The following TBX15 variants were observed in gnomAD, a reference collection of about 807,000 sequenced individuals.
TBX15 encodes T-box transcription factor 15.
A neutral mutation model predicts 53.9 loss-of-function variants in TBX15; 18 were observed. That is an observed-to-expected ratio of 0.33 (90% CI 0.23 to 0.49). The LOEUF is 0.49. Ranked by LOEUF, TBX15 falls within the 20% of genes least tolerant of loss-of-function variation. The pLI, the probability that TBX15 is intolerant of heterozygous loss-of-function variation, is 0.98. For missense variants in TBX15, 692 were observed against 749.5 expected, an observed-to-expected ratio of 0.92 and a Z score of 0.90; for synonymous variants, 295 against 278.0, an observed-to-expected ratio of 1.06 and a Z score of -0.61.
At position 118,884,605 on chromosome 1, in the gene TBX15, GAAAAA is replaced by G. The variant is rs536044359; in HGVS notation, c.*122_*126del. 3.0e-4 allele frequency: 233 copies of G among 769,154 alleles called. No individual in the cohort carries two copies. The highest frequency in any genetic ancestry group is 1.2e-3 in the Middle Eastern group (3 of 2,454). The allele number at this position is 769,154 out of a possible 1,614,324, so 47.6% of individuals were successfully genotyped here. A position where few individuals can be genotyped will look rare whatever the true frequency, so the allele number is the denominator to read the frequency against. The stretch of plus-strand genomic sequence containing the variant: ...GTTCTTGGGTATATGTCTTCGGCCA[GAAAAA>G]AAAAAAAAAAAAAAACACGGTTCCT... On this transcript the variant is annotated 3_prime_UTR_variant, in exon 8 of 8. Coordinates refer to ENST00000369429, the MANE Select transcript of TBX15 (RefSeq NM_001330677.2).
chr1:118,929,816 A>G (rs1271827475), intron 2 of TBX15, among the ~76,000 whole-genome samples: 1 of 151,322 alleles, frequency 6.6e-6, no homozygotes, highest in Non-Finnish European at 1.5e-5. Flanking sequence ...CAAGAGTAAT[A>G]AAGTAAAAAC....
At position 118,950,832 on chromosome 1, in the gene TBX15, T is replaced by C. The variant is rs894154793; in HGVS notation, c.206-19000A>G. 3.9e-5 allele frequency among the ~76,000 whole-genome samples: 6 copies of C among 152,312 alleles called. No homozygotes were observed. In the East Asian group the frequency reaches 1.2e-3, roughly 29 times the overall value. On this transcript the variant is annotated intron_variant, in intron 1 of 7. Coordinates refer to ENST00000369429, the MANE Select transcript of TBX15 (RefSeq NM_001330677.2). ...AGCTTGCCAGTATAAAAGCACAATA[T>C]GCCTCACAGTTCTCATCGAAGGATC...
At chr1:118,978,719 T>TA (rs1299656502) in intron 1 of TBX15, among the ~76,000 whole-genome samples, 1 of 152,204 alleles carries the variant, frequency 6.6e-6, no homozygotes, top group African/African-American at 2.4e-5. Flanking sequence ...CATAAGTAAG[T>TA]AAAGTTTCTG....
intron 1 of TBX15, among the ~76,000 whole-genome samples, chr1:118,969,950 G>A (rs1657175006): frequency 6.6e-6 from 1 of 152,228 alleles, no homozygotes; most frequent in Non-Finnish European, 1.5e-5. Flanking sequence ...GACCTGATGG[G>A]AGGTGATTGG....
At chr1:118,931,578 A>C in intron 2 of TBX15, 41 bp downstream of exon 2, 3 of 1,608,966 alleles carry the variant, frequency 1.9e-6, no homozygotes, top group Non-Finnish European at 1.7e-6. Context: ...CTACTTCTGC[A>C]AATTCTTTGA....
chr1:118,895,770 A>T (rs1654402285), intron 7 of TBX15, among the ~76,000 whole-genome samples: 1 of 152,216 alleles, frequency 6.6e-6, no homozygotes, highest in South Asian at 2.1e-4. Context: ...AAATTGACCT[A>T]TTGAGAGTTA....
At chr1:118,987,552 T>G in intron 1 of TBX15, 39 bp downstream of exon 1, 2 of 1,532,800 alleles carry the variant, frequency 1.3e-6, no homozygotes, top group Non-Finnish European at 1.8e-6. Context: ...CGGCGTCCCC[T>G]CTCCGCCCGC....
chr1:118,945,964 C>T (rs543423352), intron 1 of TBX15, among the ~76,000 whole-genome samples: 8 of 152,276 alleles, frequency 5.3e-5, no homozygotes, highest in African/African-American at 1.7e-4. Flanking sequence ...ACTTTATATA[C>T]ATATTCTACA....
intron 1 of TBX15, among the ~76,000 whole-genome samples, chr1:118,972,741 G>A (rs746406971): frequency 3.3e-5 from 5 of 151,806 alleles, no homozygotes; most frequent in African/African-American, 4.8e-5. Context: ...CTGGGATTAC[G>A]GGTGCCCACC....
chr1:118,934,077 C>T (rs1046356830), intron 1 of TBX15, among the ~76,000 whole-genome samples: 2 of 152,188 alleles, frequency 1.3e-5, no homozygotes, highest in South Asian at 4.1e-4. Flanking sequence ...ATAAGAGACT[C>T]TACCCTTAAC....
intron 2 of TBX15, among the ~76,000 whole-genome samples, chr1:118,930,047 CT>C (rs974045062): frequency 2.6e-5 from 4 of 152,016 alleles, no homozygotes; most frequent in Non-Finnish European, 4.4e-5. Flanking sequence ...TCTTCTCCCC[CT>C]AGGAAGCCTT....
intron 4 of TBX15, 61 bp from the exon 5 acceptor site, chr1:118,923,664 T>C (rs1571177760): frequency 1.3e-6 from 2 of 1,597,282 alleles, no homozygotes; most frequent in East Asian, 4.5e-5. Flanking sequence ...TTTGTTCTCA[T>C]GCAAAAATAA....
chr1:118,972,480 G>A (rs1486654471), intron 1 of TBX15, among the ~76,000 whole-genome samples: 2 of 152,196 alleles, frequency 1.3e-5, no homozygotes, highest in Non-Finnish European at 2.9e-5. Context: ...CATGGAAGAG[G>A]AGAAAAAGCC....
Position 118,885,454 on chromosome 1 carries a change from A to T in TBX15, c.1087T>A (p.Ser363Thr), listed in dbSNP as rs374755606. ...STGTPSPSASSHLLSPSCSPP... is the reference protein window; with the variant it reads ...STGTPSPSASTHLLSPSCSPP... ...GAACAGGATGGAGATAAAAGATGAG[A>T]AGAAGCCGAAGGGGATGGTGTCCCA... Residue 363 changes from serine to threonine, a missense_variant, in exon 8 of 8, where the codon TCT (serine) becomes ACT (threonine). By Grantham distance (58) the Ser-to-Thr change is moderately conservative. Around this residue, in one of 3 missense-constraint regions of TBX15, gnomAD observed 375 missense variants for 371.6 expected, o/e 1.01. Coordinates refer to ENST00000369429, the MANE Select transcript of TBX15 (RefSeq NM_001330677.2). The T allele has an allele frequency of 3.7e-6, 6 of 1,609,356 alleles. No individual in the cohort carries two copies. In the East Asian group the frequency reaches 1.3e-4, roughly 36 times the overall value.
chr1:118,989,252 C>G (rs546564328), upstream of TBX15: 5 of 152,316 alleles, frequency 3.3e-5, no homozygotes, highest in Admixed American at 2.0e-4. Context: ...TGATCTCCCC[C>G]CTGGCCGCCC....
intron 1 of TBX15, among the ~76,000 whole-genome samples, chr1:118,985,002 T>C (rs1399718601): frequency 2.0e-5 from 3 of 152,120 alleles, no homozygotes; most frequent in Admixed American, 1.3e-4. Flanking sequence ...ACCCTAGAGT[T>C]GTCTAAAGAT....
intron 1 of TBX15, among the ~76,000 whole-genome samples, chr1:118,983,820 G>A (rs73011325): frequency 0.012 from 1,825 of 152,114 alleles, 39 homozygotes; most frequent in African/African-American, 0.041. Flanking sequence ...CCTGCGGTCT[G>A]AGCTCCGGCC....
At chr1:118,909,008 C>T (rs1374336604) in intron 6 of TBX15, among the ~76,000 whole-genome samples, 3 of 152,122 alleles carry the variant, frequency 2.0e-5, no homozygotes. Flanking sequence ...TGGAAAGTAG[C>T]AGTTCCATAA....
chr1:118,900,385 G>A lies in TBX15; in HGVS notation c.927-1260C>T, dbSNP rs569044462. On this transcript the variant is annotated intron_variant, in intron 6 of 7. Transcript: ENST00000369429. ...AGAATAAAGAAATTTTATTTTAGGT[G>A]AGAACAAATATCCTTTACTTATCAA... is the stretch of plus-strand genomic sequence containing the variant. Among the ~76,000 whole-genome samples the A allele has an allele frequency of 8.5e-5, 13 of 152,272 alleles. No homozygotes were observed. The East Asian group carries it at 2.5e-3, about 29-fold the overall frequency.
Sources: allele counts gnomAD v4.1 joint callset (sites outside exome capture counted in the v4.1 genomes callset), GRCh38; gene constraint gnomAD v4.1.1; regional missense constraint gnomAD v4.1.1; transcripts MANE v1.5; gene names NCBI Gene and HGNC (gene_info 2026-07-23, HGNC 2026-07-21).